The following DCLK1 variants were observed in gnomAD, a reference collection of about 807,000 sequenced individuals.
DCLK1 encodes the protein serine/threonine-protein kinase DCLK1.
In DCLK1, 16 loss-of-function variants were observed where a neutral mutation model predicts 86.2. That is an observed-to-expected ratio of 0.19 (90% CI 0.13 to 0.28). The LOEUF (loss-of-function observed/expected upper bound fraction) is 0.28, where lower values mean the gene tolerates loss of function less well. Among genes scored for constraint, DCLK1 ranks in the 10% least tolerant of loss-of-function variants. The pLI is 1.00. For synonymous variants in DCLK1, 369 were observed against 370.5 expected, an observed-to-expected ratio of 1.00 and a Z score of 0.05; for missense variants, 590 against 940.2, an observed-to-expected ratio of 0.63 and a Z score of 4.87.
At chr13:35,911,034 A>G (rs1484568050) in intron 4 of DCLK1, among the ~76,000 whole-genome samples, 2 of 151,648 alleles carry the variant, frequency 1.3e-5, no homozygotes, top group African/African-American at 4.9e-5. Flanking sequence ...CTGTAATCCC[A>G]GCACTTTGGG....
intron 3 of DCLK1, among the ~76,000 whole-genome samples, chr13:36,083,366 G>C (rs1166283418): frequency 6.6e-6 from 1 of 152,072 alleles, no homozygotes; most frequent in Non-Finnish European, 1.5e-5. Context: ...CTTTCATCTC[G>C]ATTACTCTGT....
At chr13:35,904,381 G>A (rs773974904) in intron 4 of DCLK1, among the ~76,000 whole-genome samples, 2 of 152,070 alleles carry the variant, frequency 1.3e-5, no homozygotes, top group Admixed American at 6.5e-5. Flanking sequence ...TAGTAGAGAC[G>A]GGGTTTCACC....
chr13:35,843,030 T>C (rs1043143477), intron 6 of DCLK1, among the ~76,000 whole-genome samples: 1 of 152,200 alleles, frequency 6.6e-6, no homozygotes, highest in African/African-American at 2.4e-5. Context: ...TCTTTAGAAT[T>C]AACTTAATGA....
At chr13:35,846,998 T>A (rs1292571812) in intron 6 of DCLK1, 1 of 985,146 alleles carries the variant, frequency 1.0e-6, no homozygotes, top group African/African-American at 1.7e-5. Flanking sequence ...TCCAACATTA[T>A]ACTTGACAAT....
chr13:36,124,445 C>T (rs1366315617), intron 2 of DCLK1, among the ~76,000 whole-genome samples: 9 of 152,246 alleles, frequency 5.9e-5, no homozygotes, highest in East Asian at 1.9e-4. Flanking sequence ...CTCCTCTGCA[C>T]GCTCTCAAGG....
intron 3 of DCLK1, among the ~76,000 whole-genome samples, chr13:35,993,074 T>G (rs1409932910): frequency 6.6e-6 from 1 of 152,192 alleles, no homozygotes; most frequent in Non-Finnish European, 1.5e-5. Context: ...GTCTCCCTGA[T>G]GTAATATGTG....
At chr13:35,907,263 A>G (rs894249528) in intron 4 of DCLK1, among the ~76,000 whole-genome samples, 2 of 152,162 alleles carry the variant, frequency 1.3e-5, no homozygotes, top group African/African-American at 4.8e-5. Flanking sequence ...CTCGGACTCA[A>G]GTGAGCCTCC....
chr13:36,007,185 T>G (rs1469569244), intron 3 of DCLK1, among the ~76,000 whole-genome samples: 1 of 152,186 alleles, frequency 6.6e-6, no homozygotes, highest in Non-Finnish European at 1.5e-5. Flanking sequence ...CAAAGCAATT[T>G]TGAATAACTA....
At chr13:35,840,189 T>A (rs1869692744) in intron 6 of DCLK1, among the ~76,000 whole-genome samples, 1 of 152,154 alleles carries the variant, frequency 6.6e-6, no homozygotes, top group Non-Finnish European at 1.5e-5. Flanking sequence ...CTGACCTATT[T>A]TTCCTCTGCT....
intron 5 of DCLK1, among the ~76,000 whole-genome samples, chr13:35,861,564 G>T (rs1871383120): frequency 6.6e-6 from 1 of 152,164 alleles, no homozygotes; most frequent in Non-Finnish European, 1.5e-5. Context: ...ATAGGCCACA[G>T]TGGTGTCCTC....
chr13:35,785,052 G>A, intron 16 of DCLK1, among the ~76,000 whole-genome samples: 1 of 151,328 alleles, frequency 6.6e-6, no homozygotes, highest in East Asian at 1.9e-4. Context: ...GCACATTTTA[G>A]TCACATCTTG....
chr13:35,774,666 G>A lies in DCLK1; in HGVS notation c.2092C>T (p.Arg698Ter). 3 of 1,611,454 alleles carry A rather than the reference G, an allele frequency of 1.9e-6. No individual in the cohort carries two copies. Among genetic ancestry groups the A allele is most frequent in the Non-Finnish European group, 2.5e-6 (3 of 1,178,960 alleles). The change falls in exon 17 of 17, where the codon CGA becomes TGA. Residue 698 changes from arginine (R) to a stop codon, truncating the protein, a stop_gained. Transcript: ENST00000360631. LOFTEE classifies it high-confidence loss of function. ...TALDKERQVF[R>*]RRRNQDVRSR... ...CTCACATCCTGGTTGCGTCTTCGTC[G>A]GAAAACCTGCCTCTCCTTATCAAGA...
intron 1 of DCLK1, among the ~76,000 whole-genome samples, chr13:36,126,513 G>GC (rs1056178624): frequency 2.0e-5 from 3 of 151,286 alleles, no homozygotes; most frequent in African/African-American, 7.3e-5. Flanking sequence ...ATCCTCCCCC[G>GC]CCCCCCAACC....
At chr13:35,881,451 T>A (rs1261002802) in intron 4 of DCLK1, among the ~76,000 whole-genome samples, 1 of 152,148 alleles carries the variant, frequency 6.6e-6, no homozygotes, top group Non-Finnish European at 1.5e-5. Context: ...TCTAAAGCAC[T>A]CCTACTCCTC....
chr13:36,050,378 A>G (rs1191190181), intron 3 of DCLK1, among the ~76,000 whole-genome samples: 1 of 152,158 alleles, frequency 6.6e-6, no homozygotes, highest in Non-Finnish European at 1.5e-5. Context: ...GCCATAGTGT[A>G]CTACTCTAGT....
intron 8 of DCLK1, among the ~76,000 whole-genome samples, chr13:35,829,336 G>A (rs1243110402): frequency 6.6e-6 from 1 of 152,170 alleles, no homozygotes; most frequent in Non-Finnish European, 1.5e-5. Context: ...AGTAAACCAC[G>A]ATTTCACAAG....
chr13:35,878,833 C>G (rs985689599), intron 4 of DCLK1, among the ~76,000 whole-genome samples: 1 of 151,764 alleles, frequency 6.6e-6, no homozygotes, highest in Non-Finnish European at 1.5e-5. Flanking sequence ...TCGCCCAGGC[C>G]AGAGTACAGT....
rs537938866 is a variant in DCLK1, at chr13:35,961,083, T to C, written c.724-13626A>G. Among the ~76,000 whole-genome samples, 10 of 152,330 alleles carry C rather than the reference T, an allele frequency of 6.6e-5. No individual in the cohort carries two copies. In the East Asian group the frequency reaches 1.7e-3, roughly 26 times the overall value. ...CAGCATATAATAGAGGTTTTGAGTATAGGCTCTGGAGTCAGAGAAACTTAA... is the reference window on the plus strand; with the variant it reads ...CAGCATATAATAGAGGTTTTGAGTACAGGCTCTGGAGTCAGAGAAACTTAA... On this transcript the variant is annotated intron_variant, in intron 3 of 16. Coordinates refer to ENST00000360631, the MANE Select transcript of DCLK1 (RefSeq NM_001330071.2).
intron 3 of DCLK1, among the ~76,000 whole-genome samples, chr13:36,102,162 C>T (rs537682306): frequency 9.8e-4 from 147 of 150,714 alleles, no homozygotes; most frequent in Admixed American, 1.8e-3. Flanking sequence ...TCTGAAAAGG[C>T]ATCAGAAGGA....
Sources: gnomAD v4.1 joint callset for allele counts (sites outside exome capture counted in the v4.1 genomes callset) on GRCh38, gnomAD v4.1.1 for gene constraint, MANE v1.5 for transcripts, NCBI Gene and HGNC (gene_info 2026-07-23, HGNC 2026-07-21) for gene names.